STPG2: variants seen among roughly 807,000 people sequenced by gnomAD.
The protein encoded by STPG2 is sperm tail PG-rich repeat containing 2, also known as sperm-tail PG-rich repeat-containing protein 2.
A neutral mutation model predicts 54.2 loss-of-function variants in STPG2; 56 were observed. That is an observed-to-expected ratio of 1.03 (90% CI 0.83 to 1.29). The LOEUF is 1.29. Ranked by LOEUF, STPG2 falls within the 50% of genes most tolerant of loss-of-function variation. STPG2 has a pLI of 0.00. For missense variants in STPG2, 596 were observed against 544.9 expected (o/e 1.09, Z -0.93); for synonymous variants, 200 against 181.8 (o/e 1.10, Z -0.81).
chr4:97,444,154 T>C lies in STPG2; in HGVS notation c.463-256321A>G, dbSNP rs570894050. On this transcript the variant is annotated intron_variant, in intron 4 of 4. Transcript: ENST00000522676. ...AGAATCTATAATATACAAAAGAGCA[T>C]ACAAGACACATGAGACACAATTTAA... Among the ~76,000 whole-genome samples the C allele has an allele frequency of 3.5e-3, 535 of 152,208 alleles. 1 individual carries two copies. The highest frequency in any genetic ancestry group is 0.014 in the Middle Eastern group (4 of 294).
chr4:97,516,906 AATTATT>A (rs1731087440), intron 4 of STPG2, among the ~76,000 whole-genome samples: 1 of 151,498 alleles, frequency 6.6e-6, no homozygotes. Flanking sequence ...ACATTCATTT[AATTATT>A]ATTATTATTT....
At chr4:97,904,827 C>T (rs909282768) in intron 8 of STPG2, among the ~76,000 whole-genome samples, 5 of 151,786 alleles carry the variant, frequency 3.3e-5, no homozygotes, top group African/African-American at 7.3e-5. Flanking sequence ...GCTCAGAAGC[C>T]GATGCAATCA....
At chr4:97,883,135 T>G (rs746601475) in intron 8 of STPG2, among the ~76,000 whole-genome samples, 1 of 151,536 alleles carries the variant, frequency 6.6e-6, no homozygotes, top group Admixed American at 6.6e-5. Context: ...ATGGGCAACA[T>G]AGGGAGACCT....
intron 9 of STPG2, among the ~76,000 whole-genome samples, chr4:97,832,591 T>C (rs867931317): frequency 6.6e-6 from 1 of 152,150 alleles, no homozygotes; most frequent in African/African-American, 2.4e-5. Context: ...TGTTTGCAGA[T>C]GGCATGATTA....
chr4:97,491,891 A>G (rs1295511751), intron 4 of STPG2, among the ~76,000 whole-genome samples: 1 of 151,532 alleles, frequency 6.6e-6, no homozygotes, highest in Non-Finnish European at 1.5e-5. Flanking sequence ...GATGAACTCA[A>G]TGGGGCAATG....
intron 9 of STPG2, among the ~76,000 whole-genome samples, chr4:97,800,900 C>T (rs571648441): frequency 5.9e-5 from 9 of 152,320 alleles, no homozygotes; most frequent in African/African-American, 2.2e-4. Flanking sequence ...CCTCCCCCAG[C>T]CTCGCTGCCA....
intron 4 of STPG2, among the ~76,000 whole-genome samples, chr4:97,549,135 T>C (rs1731909703): frequency 7.5e-6 from 1 of 133,734 alleles, no homozygotes; most frequent in Admixed American, 7.5e-5. Context: ...GTTTCATCAG[T>C]GCTATTTACC....
intron 4 of STPG2, among the ~76,000 whole-genome samples, chr4:97,475,086 C>T (rs1410300502): frequency 6.6e-6 from 1 of 151,802 alleles, no homozygotes; most frequent in African/African-American, 2.4e-5. Context: ...GAGGGTGTTG[C>T]TTATAAAAAT....
At chr4:97,483,522 A>G (rs1282571250) in intron 4 of STPG2, among the ~76,000 whole-genome samples, 1 of 151,728 alleles carries the variant, frequency 6.6e-6, no homozygotes, top group Non-Finnish European at 1.5e-5. Context: ...ACAGGAAAAT[A>G]TCATAATCCT....
intron 4 of STPG2, among the ~76,000 whole-genome samples, chr4:97,472,467 T>A (rs1021810161): frequency 4.6e-5 from 7 of 152,240 alleles, no homozygotes; most frequent in African/African-American, 1.7e-4. Flanking sequence ...GAGAGTATTC[T>A]GTTCTTAGCA....
At chr4:98,017,236 T>C (rs1261654353) in intron 5 of STPG2, among the ~76,000 whole-genome samples, 2 of 152,222 alleles carry the variant, frequency 1.3e-5, no homozygotes, top group African/African-American at 4.8e-5. Context: ...TCAGTGGCCA[T>C]ACTAGAGTCT....
At chr4:97,598,067 A>C (rs148436064) in intron 10 of STPG2, among the ~76,000 whole-genome samples, 2 of 152,296 alleles carry the variant, frequency 1.3e-5, no homozygotes, top group East Asian at 3.9e-4. Flanking sequence ...AATGTACAAA[A>C]TCAGTAGCAT....
intron 8 of STPG2, among the ~76,000 whole-genome samples, chr4:97,922,752 C>T (rs908973470): frequency 1.3e-5 from 2 of 152,210 alleles, no homozygotes; most frequent in African/African-American, 4.8e-5. Flanking sequence ...GGGATTTCCC[C>T]TTTTCAATAG....
Position 97,639,973 on chromosome 4 carries a change from G to A in STPG2, c.1320+72726C>T, listed in dbSNP as rs76573083. On this transcript the variant is annotated intron_variant, in intron 10 of 10. Transcript: ENST00000295268. ...ACTTATTTAACATTTTGTAGCAACC[G>A]TATGAGATAGGTTCATTTTTTGTTA... Among the ~76,000 whole-genome samples, 407 of 152,110 alleles carry A rather than the reference G, an allele frequency of 2.7e-3. 14 individuals are homozygous for A. The East Asian group carries it at 0.075, about 28-fold the overall frequency.
chr4:97,486,907 T>C (rs1730380032), intron 4 of STPG2, among the ~76,000 whole-genome samples: 1 of 140,166 alleles, frequency 7.1e-6, no homozygotes, highest in African/African-American at 2.7e-5. Context: ...AATGGAATAC[T>C]ACTCAGCCAT....
intron 9 of STPG2, among the ~76,000 whole-genome samples, chr4:97,744,738 T>C (rs916515062): frequency 1.3e-5 from 2 of 151,410 alleles, no homozygotes; most frequent in South Asian, 4.1e-4. Context: ...GATAACACTA[T>C]GCTGTATAAA....
chr4:98,064,717 T>C (rs1737771584), intron 5 of STPG2, among the ~76,000 whole-genome samples: 1 of 152,184 alleles, frequency 6.6e-6, no homozygotes, highest in South Asian at 2.1e-4. Flanking sequence ...CAGCGGTATA[T>C]TGTCTACCAT....
chr4:97,895,612 G>T (rs1281438598), intron 8 of STPG2, among the ~76,000 whole-genome samples: 1 of 151,684 alleles, frequency 6.6e-6, no homozygotes, highest in African/African-American at 2.4e-5. Flanking sequence ...CCTAGACCTA[G>T]ATTTTACATG....
chr4:97,713,065 T>A (rs1724182784), intron 9 of STPG2, among the ~76,000 whole-genome samples: 2 of 152,152 alleles, frequency 1.3e-5, no homozygotes, highest in Non-Finnish European at 1.5e-5. Flanking sequence ...AAAATAGTAC[T>A]CCCTCAATAT....
Sources: gnomAD v4.1 joint callset for allele counts (sites outside exome capture counted in the v4.1 genomes callset) on GRCh38, gnomAD v4.1.1 for gene constraint, MANE v1.5 for transcripts, NCBI Gene and HGNC (gene_info 2026-07-23, HGNC 2026-07-21) for gene names.